PRRC1: variants seen among roughly 807,000 people sequenced by gnomAD.
The protein encoded by PRRC1 is proline rich coiled-coil 1.
In PRRC1, 39 loss-of-function variants were observed where a neutral mutation model predicts 40.7. The observed-to-expected ratio is 0.96, with a 90% CI of 0.74 to 1.25. The LOEUF (loss-of-function observed/expected upper bound fraction) is 1.25, where lower values mean the gene tolerates loss of function less well. Ranked by LOEUF, PRRC1 falls within the 50% of genes most tolerant of loss-of-function variation. PRRC1 has a pLI of 0.00. For missense variants in PRRC1, 573 were observed against 548.3 expected (o/e 1.05, Z -0.45); for synonymous variants, 175 against 193.3 (o/e 0.91, Z 0.79).
Position 127,553,989 on chromosome 5 carries a change from C to G in PRRC1, c.*2073C>G. 2 of 1,370,140 alleles carry G rather than the reference C, an allele frequency of 1.5e-6. No individual in the cohort carries two copies. The highest frequency in any genetic ancestry group is 1.9e-6 in the Non-Finnish European group (2 of 1,030,328). 84.9% of individuals were successfully genotyped at this position (1,370,140 alleles called of 1,614,324 possible). A position where few individuals can be genotyped will look rare whatever the true frequency, so the allele number is the denominator to read the frequency against. On this transcript the variant is annotated 3_prime_UTR_variant, in exon 9 of 9. Coordinates refer to ENST00000296666, the MANE Select transcript of PRRC1 (RefSeq NM_130809.5). ...CTGGCCTCTCTGGTTCTGTTCTTGGCCCAGAGTTTTTGAAAAGCAGCGGAG... is the reference window on the plus strand; with the variant it reads ...CTGGCCTCTCTGGTTCTGTTCTTGGGCCAGAGTTTTTGAAAAGCAGCGGAG...
intron 5 of PRRC1, among the ~76,000 whole-genome samples, chr5:127,532,305 C>T (rs1275078255): frequency 6.6e-6 from 1 of 152,094 alleles, no homozygotes; most frequent in African/African-American, 2.4e-5. Flanking sequence ...GATGGGGTTT[C>T]ACCATGTTGG....
At chr5:127,548,241 G>A (rs543991829) in intron 8 of PRRC1, 34 of 488,380 alleles carry the variant, frequency 7.0e-5, no homozygotes, top group South Asian at 5.8e-4. Flanking sequence ...TCCGCCTTTC[G>A]TTTGCTTTCC....
At chr5:127,520,107 A>G (rs1767420354) in intron 1 of PRRC1, among the ~76,000 whole-genome samples, 1 of 152,206 alleles carries the variant, frequency 6.6e-6, no homozygotes, top group Admixed American at 6.5e-5. Context: ...ATTTGGGGCC[A>G]CTTAATTCTT....
rs967296108 is a variant in PRRC1 at position 127,526,534 on chromosome 5, A to T, written c.494-84A>T. On this transcript the variant is annotated intron_variant, in intron 3 of 8. Coordinates refer to ENST00000296666, the MANE Select transcript of PRRC1 (RefSeq NM_130809.5). ...AGTCTTCAAATGCCTGAATATTAAT[A>T]TTAAAGTTGTTTGAGCCACTCCTTT... 3 of 1,013,414 alleles carry T rather than the reference A, an allele frequency of 3.0e-6. No individual in the cohort carries two copies. The Admixed American group carries it at 7.2e-5, about 24-fold the overall frequency. The allele number at this position is 1,013,414 out of a possible 1,614,324, so 62.8% of individuals were successfully genotyped here. A position where few individuals can be genotyped will look rare whatever the true frequency, so the allele number is the denominator to read the frequency against.
chr5:127,530,651 T>A (rs938491212), intron 5 of PRRC1, among the ~76,000 whole-genome samples: 17 of 152,294 alleles, frequency 1.1e-4, no homozygotes, highest in African/African-American at 4.1e-4. Flanking sequence ...ATTATTGGTA[T>A]ACTTGCTGAT....
At chr5:127,550,281 T>C (rs943408625) in intron 8 of PRRC1, 1 of 152,214 alleles carries the variant, frequency 6.6e-6, no homozygotes, top group Non-Finnish European at 1.5e-5. Flanking sequence ...TTGAAATGTC[T>C]TCTTTTTATC....
At chr5:127,548,893 A>G (rs1279065167) in intron 8 of PRRC1, 2 of 152,166 alleles carry the variant, frequency 1.3e-5, no homozygotes, top group Admixed American at 6.5e-5. Flanking sequence ...AAACCTTTTT[A>G]TAGATATTAA....
At chr5:127,528,607 C>T (rs1256291563) in intron 4 of PRRC1, among the ~76,000 whole-genome samples, 1 of 152,084 alleles carries the variant, frequency 6.6e-6, no homozygotes, top group East Asian at 1.9e-4. Flanking sequence ...TGAGCCACCG[C>T]AGGCAGCCTC....
chr5:127,525,013 C>A, intron 3 of PRRC1, 93 bp downstream of exon 3: 1 of 1,236,026 alleles, frequency 8.1e-7, no homozygotes, highest in Non-Finnish European at 1.1e-6. Flanking sequence ...AATTTATGTA[C>A]TCTACAATTC....
At chr5:127,524,400 A>T (rs1767545536) in intron 2 of PRRC1, 131 bp from the exon 3 acceptor site, 1 of 809,426 alleles carries the variant, frequency 1.2e-6, no homozygotes, top group Admixed American at 2.4e-5. Flanking sequence ...TAAATTACAC[A>T]TTTTAAAATA....
At position 127,533,640 on chromosome 5, in the gene PRRC1, G is replaced by A; in HGVS notation, c.775G>A (p.Asp259Asn). The change falls in exon 6 of 9, where the codon GAT becomes AAT. Residue 259 changes from aspartate to asparagine, a missense_variant. Asp to Asn is a conservative substitution (Grantham distance 23, BLOSUM62 1). Transcript: ENST00000296666. The stretch of plus-strand genomic sequence containing the variant: ...CTTTTTAGAATCTGGAGGTGAACTG[G>A]ATATTGTAGTGACCTCAAATAAAGA... Reference protein sequence around the residue: ...APYIKSGGELDIVVTSNKEVK... With the variant: ...APYIKSGGELNIVVTSNKEVK... 1 of 1,613,558 alleles carries A rather than the reference G, an allele frequency of 6.2e-7. No homozygotes were observed. Among genetic ancestry groups the A allele is most frequent in the Non-Finnish European group, 8.5e-7 (1 of 1,179,784 alleles).
chr5:127,528,225 A>T (rs1185104596), intron 4 of PRRC1, among the ~76,000 whole-genome samples: 1 of 152,118 alleles, frequency 6.6e-6, no homozygotes, highest in Non-Finnish European at 1.5e-5. Flanking sequence ...TTTAGTTTAC[A>T]TTTTCATTTT....
intron 8 of PRRC1, 70 bp downstream of exon 8, chr5:127,547,991 T>C (rs2127117342): frequency 9.6e-7 from 1 of 1,042,484 alleles, no homozygotes; most frequent in Non-Finnish European, 1.5e-6. Flanking sequence ...GAATAAAAAT[T>C]TGTTCGGTTT....
At chr5:127,549,560 T>C (rs1168037508) in intron 8 of PRRC1, 1 of 152,214 alleles carries the variant, frequency 6.6e-6, no homozygotes, top group Non-Finnish European at 1.5e-5. Context: ...GACGGGTATG[T>C]GTGTACTACA....
intron 1 of PRRC1, among the ~76,000 whole-genome samples, chr5:127,522,240 A>T (rs561541021): frequency 6.6e-6 from 1 of 152,318 alleles, no homozygotes; most frequent in Admixed American, 6.5e-5. Flanking sequence ...TTTATAATCC[A>T]TTGTTGTCTA....
rs1768454488 is a variant in PRRC1 at position 127,553,792 on chromosome 5, A to C, written c.*1876A>C. On this transcript the variant is annotated 3_prime_UTR_variant, in exon 9 of 9. Coordinates refer to ENST00000296666, the MANE Select transcript of PRRC1 (RefSeq NM_130809.5). ...ATAGAATCACAAATACTGACATTTC[A>C]TTAGATGATTATTTTCCTAGAATCC... is the stretch of plus-strand genomic sequence containing the variant. The C allele has an allele frequency of 3.9e-6, 6 of 1,535,266 alleles. No homozygotes were observed. The highest frequency in any genetic ancestry group is 5.2e-6 in the Non-Finnish European group (6 of 1,146,412).
In PRRC1 at chr5:127,526,749, T is replaced by G; in HGVS notation, c.625T>G (p.Ser209Ala). Reference sequence around the variant, plus strand: ...AATTACTAGAGGTCAGGATGAAGCATCTGCTGGTGGAATCTGGGGTTTTAT... The same window carrying G: ...AATTACTAGAGGTCAGGATGAAGCAGCTGCTGGTGGAATCTGGGGTTTTAT... ...PRITRGQDEA[S>A]AGGIWGFIKG... Residue 209 changes from serine (S) to alanine (A), a missense_variant, in exon 4 of 9, where the codon TCT becomes GCT. By Grantham distance (99) the Ser-to-Ala change is moderately conservative. Coordinates refer to ENST00000296666, the MANE Select transcript of PRRC1 (RefSeq NM_130809.5). 6.2e-7 allele frequency: 1 copy of G among 1,608,890 alleles called. No individual in the cohort carries two copies. Among genetic ancestry groups the G allele is most frequent in the Non-Finnish European group, 8.5e-7 (1 of 1,177,566 alleles).
At chr5:127,518,731 C>CTTT (rs79976581) in intron 1 of PRRC1, among the ~76,000 whole-genome samples, 7 of 139,814 alleles carry the variant, frequency 5.0e-5, no homozygotes, top group Middle Eastern at 3.8e-3. Flanking sequence ...TAGACATCCA[C>CTTT]TTTTTTTTTT....
intron 1 of PRRC1, among the ~76,000 whole-genome samples, chr5:127,518,394 A>G (rs1432155564): frequency 2.0e-5 from 3 of 152,234 alleles, no homozygotes; most frequent in African/African-American, 7.2e-5. Flanking sequence ...GACCTGCTTC[A>G]GGCAAATTTG....
Sources: allele counts gnomAD v4.1 joint callset (sites outside exome capture counted in the v4.1 genomes callset), GRCh38; gene constraint gnomAD v4.1.1; transcripts MANE v1.5; gene names NCBI Gene and HGNC (gene_info 2026-07-23, HGNC 2026-07-21).